TRPM1: variants seen among roughly 807,000 people sequenced by gnomAD.
TRPM1 encodes the protein TRPM1-203 APA Isoform, Intron 10.
In TRPM1, 113 loss-of-function variants were observed where a neutral mutation model predicts 149.4. The observed-to-expected ratio is 0.76, with a 90% CI of 0.65 to 0.88. The LOEUF (loss-of-function observed/expected upper bound fraction) is 0.88, where lower values mean the gene tolerates loss of function less well. Ranked by LOEUF, TRPM1 falls within the 40% of genes least tolerant of loss-of-function variation. The probability of loss-of-function intolerance (pLI) is 0.00; values close to 1 mark genes in which losing one functional copy is unlikely to be tolerated. For missense variants in TRPM1, 1,976 were observed against 2,038.7 expected (o/e 0.97, Z 0.59); for synonymous variants, 741 against 759.5 (o/e 0.98, Z 0.40).
At chr15:31,094,865 C>T (rs779295524) in intron 1 of TRPM1, among the ~76,000 whole-genome samples, 3 of 152,318 alleles carry the variant, frequency 2.0e-5, no homozygotes, top group African/African-American at 7.2e-5. Flanking sequence ...AGCAATTTTA[C>T]TGCTAGGTAT....
intron 19 of TRPM1, 23 bp downstream of exon 19, chr15:31,038,021 T>G (rs772356676): frequency 1.9e-6 from 3 of 1,614,110 alleles, no homozygotes; most frequent in East Asian, 2.2e-5. Flanking sequence ...ACTGATATGC[T>G]TAGGGTCAAG....
intron 1 of TRPM1, among the ~76,000 whole-genome samples, chr15:31,085,152 A>C (rs2034966716): frequency 6.6e-6 from 1 of 152,076 alleles, no homozygotes; most frequent in Non-Finnish European, 1.5e-5. Flanking sequence ...AACATAGCTT[A>C]TTTTAAAAAA....
intron 27 of TRPM1, among the ~76,000 whole-genome samples, chr15:31,019,748 G>C (rs2032493225): frequency 2.0e-5 from 3 of 152,102 alleles, no homozygotes; most frequent in Admixed American, 6.6e-5. Context: ...TGTTGACCAG[G>C]TTGGTCTTGA....
intron 16 of TRPM1, among the ~76,000 whole-genome samples, chr15:31,044,352 A>T (rs2033704873): frequency 6.6e-6 from 1 of 152,212 alleles, no homozygotes; most frequent in South Asian, 2.1e-4. Context: ...GAAGAAACAA[A>T]TACAAATAAA....
Position 31,063,270 on chromosome 15 carries a change from G to A in TRPM1, c.813C>T (p.Leu271=), listed in dbSNP as rs1363786243. The stretch of plus-strand genomic sequence containing the variant: ...GGCCCCCCTCCACCACGAGACCCAC[G>A]AGGGGCACGCCCTGCCCCAGTCCTG... ...INTRLGQGVP[L]VGLVVEGGPN... Residue 271 remains leucine, a synonymous_variant, in exon 8 of 28, where the codon CTC becomes CTT. Transcript: ENST00000256552. The A allele has an allele frequency of 5.0e-6, 8 of 1,614,022 alleles. No individual in the cohort carries two copies. In the South Asian group the frequency reaches 5.5e-5, roughly 11 times the overall value.
intron 1 of TRPM1, among the ~76,000 whole-genome samples, chr15:31,113,577 C>T (rs1223004981): frequency 6.6e-6 from 1 of 152,078 alleles, no homozygotes; most frequent in Non-Finnish European, 1.5e-5. Context: ...TTAGGTTCCC[C>T]CATACAACTG....
At chr15:31,016,799 A>G (rs1413429247) in intron 27 of TRPM1, among the ~76,000 whole-genome samples, 1 of 152,160 alleles carries the variant, frequency 6.6e-6, no homozygotes, top group African/African-American at 2.4e-5. Context: ...TACTGCTACT[A>G]AAGTCACGAG....
At position 31,158,246 on chromosome 15, in the gene TRPM1, A is replaced by G. The variant is rs187936030; in HGVS notation, c.54+2660T>C. ...CCACTGTTACAGGACAGGGGTCCAGATCCAGACCCCAAGAAAGGGTGCTTG... is the reference window on the plus strand; with the variant it reads ...CCACTGTTACAGGACAGGGGTCCAGGTCCAGACCCCAAGAAAGGGTGCTTG... On this transcript the variant is annotated intron_variant, in intron 1 of 26. Transcript: ENST00000542188. Among the ~76,000 whole-genome samples the G allele has an allele frequency of 5.3e-5, 8 of 152,268 alleles. No homozygotes were observed. In the East Asian group the frequency reaches 1.5e-3, roughly 29 times the overall value.
intron 24 of TRPM1, among the ~76,000 whole-genome samples, chr15:31,028,738 C>T (rs929802843): frequency 1.3e-5 from 2 of 151,334 alleles, no homozygotes; most frequent in Admixed American, 6.6e-5. Flanking sequence ...GGTGACTGAG[C>T]GAGACTCCCA....
In TRPM1 at chr15:31,063,146, A is replaced by C. The variant is rs371899854; in HGVS notation, c.937T>G (p.Phe313Val). The change falls in exon 8 of 28, where the codon TTT becomes GTT. Residue 313 changes from phenylalanine (F) to valine (V), a missense_variant. Around this residue, in one of 3 missense-constraint regions of TRPM1, gnomAD observed 1,332 missense variants for 1,347.1 expected, o/e 0.99. Transcript: ENST00000256552. Reference sequence around the variant, plus strand: ...CCTTCTTCACAGTACTTGTGCGCAAAGGACAGGATGTCCGAGGCACGTCCG... The same window carrying C: ...CCTTCTTCACAGTACTTGTGCGCAACGGACAGGATGTCCGAGGCACGTCCG... ...GSGRASDILS[F>V]AHKYCEEGGI... The C allele has an allele frequency of 3.9e-5, 63 of 1,614,114 alleles. No homozygotes were observed. The highest frequency in any genetic ancestry group is 5.1e-5 in the Non-Finnish European group (60 of 1,180,048).
At chr15:31,109,167 C>G (rs1013662336) in intron 1 of TRPM1, among the ~76,000 whole-genome samples, 39 of 151,770 alleles carry the variant, frequency 2.6e-4, no homozygotes, top group African/African-American at 9.4e-4. Context: ...AGGGAGCTTT[C>G]AAAAGAAAGG....
intron 8 of TRPM1, 123 bp downstream of exon 8, chr15:31,062,995 T>C: frequency 7.4e-7 from 1 of 1,345,498 alleles, no homozygotes; most frequent in Non-Finnish European, 1.0e-6. Flanking sequence ...GGAGAGGAGA[T>C]CTAGCAAATC....
chr15:31,005,152 C>T (rs1313044312), intron 27 of TRPM1, among the ~76,000 whole-genome samples: 3 of 120,978 alleles, frequency 2.5e-5, no homozygotes, highest in South Asian at 2.6e-4. Context: ...CTCCCTACTC[C>T]GTTCAGTTCT....
At chr15:31,057,997 A>G (rs1291345138) in intron 11 of TRPM1, among the ~76,000 whole-genome samples, 1 of 152,134 alleles carries the variant, frequency 6.6e-6, no homozygotes, top group East Asian at 1.9e-4. Context: ...CTCCCCAGCC[A>G]TTTGGAGATG....
At chr15:31,050,284 G>A in intron 12 of TRPM1, 125 bp downstream of exon 12, 1 of 1,399,762 alleles carries the variant, frequency 7.1e-7, no homozygotes, top group Non-Finnish European at 1.0e-6. Context: ...ACACTACCCA[G>A]TCAAGCCTTT....
At chr15:31,111,690 G>A (rs1485114639) in intron 1 of TRPM1, among the ~76,000 whole-genome samples, 1 of 152,154 alleles carries the variant, frequency 6.6e-6, no homozygotes, top group East Asian at 1.9e-4. Context: ...AGAGCTCAAC[G>A]CATGGCACCC....
chr15:31,157,740 C>T (rs8027074), intron 1 of TRPM1, among the ~76,000 whole-genome samples: 3,852 of 152,176 alleles, frequency 0.025, 173 homozygotes, highest in African/African-American at 0.089. Flanking sequence ...CTGTGCACCC[C>T]AGTTGGTCTA....
chr15:31,114,015 T>A (rs979837300), intron 1 of TRPM1, among the ~76,000 whole-genome samples: 2 of 152,096 alleles, frequency 1.3e-5, no homozygotes, highest in African/African-American at 4.8e-5. Flanking sequence ...TTTTACAGAG[T>A]GCTGATTGGT....
At chr15:31,016,957 T>C (rs1453622426) in intron 27 of TRPM1, among the ~76,000 whole-genome samples, 1 of 128,416 alleles carries the variant, frequency 7.8e-6, no homozygotes, top group Non-Finnish European at 1.6e-5. Context: ...TCTCAAAACC[T>C]GGCGTACACA....
Sources: gnomAD v4.1 joint callset for allele counts (sites outside exome capture counted in the v4.1 genomes callset) on GRCh38, gnomAD v4.1.1 for gene constraint, gnomAD v4.1.1 regional missense constraint, MANE v1.5 for transcripts, NCBI Gene and HGNC (gene_info 2026-07-23, HGNC 2026-07-21) for gene names.